The following EXT1 variants were observed in gnomAD, a reference collection of about 807,000 sequenced individuals.
The protein encoded by EXT1 is exostosin-1.
Under a neutral mutation model 82.5 loss-of-function variants are expected in EXT1, and 20 were observed. That is an observed-to-expected ratio of 0.24 (90% CI 0.17 to 0.35). The LOEUF is 0.35. Among genes scored for constraint, EXT1 ranks in the 10% least tolerant of loss-of-function variants. The probability of loss-of-function intolerance (pLI) is 1.00; values close to 1 mark genes in which losing one functional copy is unlikely to be tolerated. For synonymous variants in EXT1, 348 were observed against 350.8 expected (o/e 0.99, Z 0.09); for missense variants, 757 against 936.5 (o/e 0.81, Z 2.50).
intron 1 of EXT1, among the ~76,000 whole-genome samples, chr8:118,013,006 A>G (rs956630009): frequency 3.3e-5 from 5 of 152,142 alleles, no homozygotes; most frequent in African/African-American, 9.7e-5. Flanking sequence ...GTGGGTGAAG[A>G]AAAGGTGAAC....
At chr8:117,851,460 A>C (rs1236479066) in intron 1 of EXT1, among the ~76,000 whole-genome samples, 1 of 150,974 alleles carries the variant, frequency 6.6e-6, no homozygotes, top group Non-Finnish European at 1.5e-5. Flanking sequence ...GAAGTGCTTA[A>C]GCTGCCTTAA....
intron 1 of EXT1, among the ~76,000 whole-genome samples, chr8:117,907,232 T>C (rs1027199563): frequency 6.6e-6 from 1 of 152,248 alleles, no homozygotes; most frequent in Non-Finnish European, 1.5e-5. Context: ...AGTCTTTTAA[T>C]AACGAATGCA....
At chr8:117,904,089 G>T (rs1813500556) in intron 1 of EXT1, among the ~76,000 whole-genome samples, 1 of 152,190 alleles carries the variant, frequency 6.6e-6, no homozygotes, top group African/African-American at 2.4e-5. Flanking sequence ...AAGAAAATCA[G>T]TTGCAACAGC....
intron 7 of EXT1, among the ~76,000 whole-genome samples, chr8:117,814,392 C>T (rs990026962): frequency 1.3e-5 from 2 of 152,050 alleles, no homozygotes; most frequent in African/African-American, 4.8e-5. Context: ...ATGCTGACAC[C>T]ATAAGAATAA....
At chr8:118,070,219 TA>T (rs1002335693) in intron 1 of EXT1, among the ~76,000 whole-genome samples, 5 of 144,500 alleles carry the variant, frequency 3.5e-5, no homozygotes, top group Non-Finnish European at 6.0e-5. Flanking sequence ...AAGGACATCA[TA>T]AATTTCTGTG....
intron 1 of EXT1, among the ~76,000 whole-genome samples, chr8:117,877,855 GT>G (rs1195661372): frequency 2.0e-5 from 3 of 152,058 alleles, no homozygotes; most frequent in Non-Finnish European, 4.4e-5. Flanking sequence ...AAGTTTTAAT[GT>G]TTTTTTCTCC....
At chr8:117,901,256 C>T (rs1813443449) in intron 1 of EXT1, among the ~76,000 whole-genome samples, 1 of 152,202 alleles carries the variant, frequency 6.6e-6, no homozygotes, top group African/African-American at 2.4e-5. Flanking sequence ...TATGGTGTAG[C>T]CTGTATCTCC....
intron 1 of EXT1, among the ~76,000 whole-genome samples, chr8:118,076,843 A>C (rs1247029091): frequency 6.6e-6 from 1 of 152,242 alleles, no homozygotes; most frequent in African/African-American, 2.4e-5. Context: ...GATTTCATAT[A>C]GATAGAAAAT....
rs531374833 is a variant in EXT1 at position 118,055,008 on chromosome 8, T to C, written c.962+55077A>G. On this transcript the variant is annotated intron_variant, in intron 1 of 10. Coordinates refer to ENST00000378204, the MANE Select transcript of EXT1 (RefSeq NM_000127.3). ...CAGCTTTATGGAGCTATAATTGATA[T>C]GCGATAAATTGCACATTGGTAAACT... Among the ~76,000 whole-genome samples, 24 of 152,216 alleles carry C rather than the reference T, an allele frequency of 1.6e-4. No individual in the cohort carries two copies. In the South Asian group the frequency reaches 4.1e-3, roughly 26 times the overall value.
intron 1 of EXT1, among the ~76,000 whole-genome samples, chr8:118,028,998 A>G (rs940070709): frequency 3.3e-5 from 5 of 152,230 alleles, no homozygotes; most frequent in Non-Finnish European, 7.3e-5. Flanking sequence ...AATATATATC[A>G]ATATACATTA....
At chr8:118,059,377 A>G (rs958688274) in intron 1 of EXT1, among the ~76,000 whole-genome samples, 1 of 152,210 alleles carries the variant, frequency 6.6e-6, no homozygotes, top group Non-Finnish European at 1.5e-5. Context: ...TGGAAAGTGA[A>G]CCTGAAAACA....
At chr8:118,024,166 A>G (rs1168214657) in intron 1 of EXT1, among the ~76,000 whole-genome samples, 1 of 152,250 alleles carries the variant, frequency 6.6e-6, no homozygotes, top group Non-Finnish European at 1.5e-5. Flanking sequence ...TAGAAACAAA[A>G]GAGATCAAGG....
Position 117,849,078 on chromosome 8 carries a change from T to G in EXT1, c.963-11877A>C, listed in dbSNP as rs577720505. ...TTGACAGAGAATGCTAACTTCTATCTCTTGCACTTGCACTTGCTGTGCCCT... is the reference window on the plus strand; with the variant it reads ...TTGACAGAGAATGCTAACTTCTATCGCTTGCACTTGCACTTGCTGTGCCCT... On this transcript the variant is annotated intron_variant, in intron 1 of 10. Coordinates refer to ENST00000378204, the MANE Select transcript of EXT1 (RefSeq NM_000127.3). 1.0e-3 allele frequency among the ~76,000 whole-genome samples: 158 copies of G among 152,342 alleles called. No individual in the cohort carries two copies. The South Asian group carries it at 0.011, about 11-fold the overall frequency.
chr8:117,980,174 C>CAACT (rs138141718), intron 1 of EXT1, among the ~76,000 whole-genome samples: 7,617 of 152,228 alleles, frequency 0.05, 400 homozygotes, highest in African/African-American at 0.14. Flanking sequence ...CTAATCAAAG[C>CAACT]ATCTCACATG....
chr8:117,822,513 G>A lies in EXT1; in HGVS notation c.1369C>T (p.Gln457Ter). The A allele has an allele frequency of 6.2e-7, 1 of 1,613,434 alleles. No individual in the cohort carries two copies. Among genetic ancestry groups the A allele is most frequent in the Non-Finnish European group, 8.5e-7 (1 of 1,179,698 alleles). Residue 457 changes from glutamine to a stop codon, truncating the protein, a stop_gained, in exon 5 of 11, where the codon CAG becomes TAG. Coordinates refer to ENST00000378204, the MANE Select transcript of EXT1 (RefSeq NM_000127.3). LOFTEE classifies it high-confidence loss of function. ...KHPGGLFVLP[Q>*]YSSYLGDFPY... ...AAATCTCCCAGATAAGATGAATACT[G>A]TGGTAGTACGAACAATCCTCCAGGA...
chr8:118,075,121 T>TA (rs1817183383), intron 1 of EXT1, among the ~76,000 whole-genome samples: 1 of 152,256 alleles, frequency 6.6e-6, no homozygotes, highest in African/African-American at 2.4e-5. Context: ...TGACAGATGT[T>TA]ACTGCTTTAA....
At chr8:118,016,827 A>T (rs1816012946) in intron 1 of EXT1, among the ~76,000 whole-genome samples, 1 of 152,210 alleles carries the variant, frequency 6.6e-6, no homozygotes, top group Admixed American at 6.5e-5. Flanking sequence ...CAACAAGCCA[A>T]GCTTTCCATG....
At chr8:117,951,948 C>G (rs775176951) in intron 1 of EXT1, among the ~76,000 whole-genome samples, 3 of 152,172 alleles carry the variant, frequency 2.0e-5, no homozygotes, top group Admixed American at 6.6e-5. Context: ...TTCAAGCTAC[C>G]ATGGCAGAAT....
intron 1 of EXT1, among the ~76,000 whole-genome samples, chr8:118,001,922 T>C (rs1254052535): frequency 1.3e-5 from 2 of 152,244 alleles, no homozygotes; most frequent in African/African-American, 4.8e-5. Context: ...AAGATTTTAT[T>C]AAAATTTACT....
Sources: gnomAD v4.1 joint callset for allele counts (sites outside exome capture counted in the v4.1 genomes callset) on GRCh38, gnomAD v4.1.1 for gene constraint, MANE v1.5 for transcripts, NCBI Gene and HGNC (gene_info 2026-07-23, HGNC 2026-07-21) for gene names.